TAS2R1: variants seen among roughly 807,000 people sequenced by gnomAD.
TAS2R1 encodes taste 2 receptor member 1.
For synonymous variants in TAS2R1, 141 were observed against 134.2 expected, an observed-to-expected ratio of 1.05 and a Z score of -0.35; for missense variants, 370 against 353.4, an observed-to-expected ratio of 1.05 and a Z score of -0.38.
intron 2 of TAS2R1, among the ~76,000 whole-genome samples, chr5:9,644,343 A>C (rs1740147768): frequency 6.6e-6 from 1 of 152,156 alleles, no homozygotes; most frequent in Non-Finnish European, 1.5e-5. Flanking sequence ...GGTGGTCAAG[A>C]TGGGAAGAAG....
the TAS2R1 span, among the ~76,000 whole-genome samples, chr5:9,851,241 A>G: frequency 6.6e-6 from 1 of 152,228 alleles, no homozygotes; most frequent in African/African-American, 2.4e-5. Context: ...TAGTTGCAGT[A>G]ATGTCAGAAT....
At chr5:9,855,985 A>T in the TAS2R1 span, among the ~76,000 whole-genome samples, 3 of 152,120 alleles carry the variant, frequency 2.0e-5, no homozygotes, top group African/African-American at 7.2e-5. Context: ...ATTTTGTTAC[A>T]ATCAGCATAA....
upstream of TAS2R1, chr5:9,630,400 C>T (rs894687440): frequency 1.1e-5 from 2 of 177,146 alleles, no homozygotes; most frequent in Admixed American, 6.0e-5. Flanking sequence ...TTCATCTCTA[C>T]TATGAATAAT....
chr5:9,868,368 T>C, the TAS2R1 span, among the ~76,000 whole-genome samples: 2 of 152,220 alleles, frequency 1.3e-5, no homozygotes, highest in Non-Finnish European at 2.9e-5. Flanking sequence ...TTGACTTCTG[T>C]GCACTCTCAA....
At chr5:9,824,337 T>C in the TAS2R1 span, among the ~76,000 whole-genome samples, 1 of 152,238 alleles carries the variant, frequency 6.6e-6, no homozygotes, top group Non-Finnish European at 1.5e-5. Flanking sequence ...TTTTCTGATC[T>C]GGAACTTTCT....
At chr5:9,677,467 A>C (rs942804990) in intron 1 of TAS2R1, among the ~76,000 whole-genome samples, 1 of 151,818 alleles carries the variant, frequency 6.6e-6, no homozygotes, top group Non-Finnish European at 1.5e-5. Context: ...AAAAATTTGC[A>C]GGCCTCATAT....
the TAS2R1 span, among the ~76,000 whole-genome samples, chr5:9,720,853 C>T: frequency 7.9e-5 from 12 of 152,342 alleles, no homozygotes; most frequent in East Asian, 3.9e-4. Flanking sequence ...CTAGCATTTT[C>T]CAGGGAGCCC....
At chr5:9,711,120 C>A (rs1274204594) in intron 1 of TAS2R1, among the ~76,000 whole-genome samples, 2 of 151,524 alleles carry the variant, frequency 1.3e-5, no homozygotes, top group East Asian at 3.9e-4. Context: ...TCAAAAAATT[C>A]AAAATAGAAT....
the TAS2R1 span, among the ~76,000 whole-genome samples, chr5:9,756,924 T>G: frequency 2.0e-5 from 3 of 152,236 alleles, no homozygotes; most frequent in African/African-American, 7.2e-5. Flanking sequence ...CTTTCACATG[T>G]GAGAAAAGTT....
chr5:9,861,037 G>GTTTTTTTTTTTTTTTTTTTTTTT, the TAS2R1 span, among the ~76,000 whole-genome samples: 204 of 88,574 alleles, frequency 2.3e-3, 11 homozygotes, highest in Non-Finnish European at 2.9e-3. Flanking sequence ...GGAAGATGAG[G>GTTTTTTTTTTTTTTTTTTTTTTT]TTTTTTTTTT....
the TAS2R1 span, among the ~76,000 whole-genome samples, chr5:9,728,048 C>G: frequency 2.0e-5 from 3 of 152,160 alleles, no homozygotes; most frequent in African/African-American, 7.2e-5. Flanking sequence ...AGAGTCTGAA[C>G]TCTGAAGGGA....
At chr5:9,777,312 TAA>T in the TAS2R1 span, among the ~76,000 whole-genome samples, 7 of 152,258 alleles carry the variant, frequency 4.6e-5, no homozygotes, top group Non-Finnish European at 7.3e-5. Context: ...TGCAATATTC[TAA>T]GTCTTTTGTG....
At chr5:9,749,877 C>A in the TAS2R1 span, among the ~76,000 whole-genome samples, 1 of 152,276 alleles carries the variant, frequency 6.6e-6, no homozygotes, top group African/African-American at 2.4e-5. Flanking sequence ...CTGCTGTGAA[C>A]CTCTCTTTTC....
chr5:9,657,599 T>C (rs915105796), intron 2 of TAS2R1, among the ~76,000 whole-genome samples: 1 of 152,180 alleles, frequency 6.6e-6, no homozygotes, highest in Non-Finnish European at 1.5e-5. Flanking sequence ...TTTTGACCCA[T>C]GCTACAACAT....
At chr5:9,861,039 T>TTTTTTTTTTTG in the TAS2R1 span, among the ~76,000 whole-genome samples, 5 of 147,444 alleles carry the variant, frequency 3.4e-5, 1 homozygote, top group East Asian at 9.9e-4. Context: ...AAGATGAGGT[T>TTTTTTTTTTTG]TTTTTTTTTT....
intron 2 of TAS2R1, among the ~76,000 whole-genome samples, chr5:9,649,035 G>A (rs962420645): frequency 3.3e-5 from 5 of 152,152 alleles, no homozygotes; most frequent in Admixed American, 2.6e-4. Context: ...GCTTAATTCC[G>A]AGGGTCAACA....
chr5:9,872,517 G>A, the TAS2R1 span, among the ~76,000 whole-genome samples: 1 of 152,140 alleles, frequency 6.6e-6, no homozygotes. Context: ...GAATGAGTGC[G>A]CTGGAAATAG....
intron 1 of TAS2R1, among the ~76,000 whole-genome samples, chr5:9,691,653 A>G (rs10038875): frequency 0.053 from 8,078 of 152,342 alleles, 691 homozygotes; most frequent in African/African-American, 0.18. Context: ...AAGCAAAAGC[A>G]TCTTCTAAAA....
At chr5:9,801,758 G>T in the TAS2R1 span, among the ~76,000 whole-genome samples, 1 of 152,248 alleles carries the variant, frequency 6.6e-6, no homozygotes, top group Admixed American at 6.5e-5. Flanking sequence ...GTGACTGCTG[G>T]CTTTCCCACA....
Sources: gnomAD v4.1 joint callset for allele counts (sites outside exome capture counted in the v4.1 genomes callset) on GRCh38, gnomAD v4.1.1 for gene constraint, MANE v1.5 for transcripts, NCBI Gene and HGNC (gene_info 2026-07-23, HGNC 2026-07-21) for gene names.